FADS3: variants seen among roughly 807,000 people sequenced by gnomAD.
FADS3 encodes fatty acid desaturase 3.
Under a neutral mutation model 60.4 loss-of-function variants are expected in FADS3, and 30 were observed. The ratio of observed to expected loss-of-function variants is 0.50; its 90% confidence interval spans 0.37 to 0.67. The LOEUF (loss-of-function observed/expected upper bound fraction) is 0.67. FADS3 is among the 30% of genes least tolerant of loss of function. FADS3 has a pLI of 0.00. For missense variants in FADS3, 432 were observed against 598.3 expected, an observed-to-expected ratio of 0.72 and a Z score of 2.90; for synonymous variants, 234 against 249.3, an observed-to-expected ratio of 0.94 and a Z score of 0.58.
At chr11:61,889,508 G>A (rs1255174499) in intron 1 of FADS3, among the ~76,000 whole-genome samples, 4 of 152,128 alleles carry the variant, frequency 2.6e-5, no homozygotes, top group African/African-American at 4.8e-5. Context: ...TATGCTGGGC[G>A]TGGTGGCGCG....
chr11:61,881,845 G>C (rs1938141979), intron 1 of FADS3: 1 of 152,274 alleles, frequency 6.6e-6, no homozygotes, highest in South Asian at 2.1e-4. Flanking sequence ...CTGGTAGGGT[G>C]CCCCTTCTGG....
Position 61,880,074 on chromosome 11 carries a change from A to G in FADS3, c.291T>C (p.Ala97=), listed in dbSNP as rs1185381450. 4 of 1,613,976 alleles carry G rather than the reference A, an allele frequency of 2.5e-6. No individual in the cohort carries two copies. The highest frequency in any genetic ancestry group is 3.4e-6 in the Non-Finnish European group (4 of 1,179,980). The part of the protein sequence containing the change: ...FLQPLLIGEL[A]PEEPSQDGPL... Reference sequence around the variant, plus strand: ...GTCCATCCTGGCTGGGTTCTTCCGGAGCCAGCTCTCCAATCAACAGGGGCT... The same window carrying G: ...GTCCATCCTGGCTGGGTTCTTCCGGGGCCAGCTCTCCAATCAACAGGGGCT... The change falls in exon 2 of 12, where the codon GCT becomes GCC. Residue 97 remains alanine (A), a synonymous_variant. Coordinates refer to ENST00000278829, the MANE Select transcript of FADS3 (RefSeq NM_021727.5).
chr11:61,881,543 T>A (rs1186519699), intron 1 of FADS3: 1 of 152,214 alleles, frequency 6.6e-6, no homozygotes, highest in Non-Finnish European at 1.5e-5. Context: ...GTTGTCCCCA[T>A]GGGTCTGGAG....
chr11:61,879,884 G>A (rs934896882), intron 2 of FADS3, among the ~76,000 whole-genome samples, 157 bp downstream of exon 2: 1 of 152,210 alleles, frequency 6.6e-6, no homozygotes, highest in Non-Finnish European at 1.5e-5. Context: ...ACTTTCAACT[G>A]CCTGCCCCCT....
Position 61,878,501 on chromosome 11 carries a change from T to G in FADS3, c.747+11A>C, listed in dbSNP as rs201469463. 71 of 1,612,646 alleles carry G rather than the reference T, an allele frequency of 4.4e-5. No individual in the cohort carries two copies. In the African/African-American group the frequency reaches 8.9e-4, roughly 20 times the overall value. On this transcript the variant is annotated intron_variant, in intron 5 of 11. Coordinates refer to ENST00000278829, the MANE Select transcript of FADS3 (RefSeq NM_021727.5). ...CCCAGCCAGAGGTTGTCCACGTCCC[T>G]CCCCACCCACCTCGACGGATGACTC... is the stretch of plus-strand genomic sequence containing the variant.
intron 1 of FADS3, among the ~76,000 whole-genome samples, chr11:61,889,799 C>T (rs1300010945): frequency 6.6e-6 from 1 of 152,194 alleles, no homozygotes; most frequent in Non-Finnish European, 1.5e-5. Flanking sequence ...ACTTTGAGAC[C>T]AGCCCGAGCA....
In FADS3 at chr11:61,876,277, G is replaced by C; in HGVS notation, c.1080+82C>G. Reference sequence around the variant, plus strand: ...CATCCCCCACCTGGCAGCCCCGTCAGGGCCTCATCCCTGCTTTGCCATCTG... The same window carrying C: ...CATCCCCCACCTGGCAGCCCCGTCACGGCCTCATCCCTGCTTTGCCATCTG... On this transcript the variant is annotated intron_variant, in intron 9 of 11. Coordinates refer to ENST00000278829, the MANE Select transcript of FADS3 (RefSeq NM_021727.5). The surrounding 1 kb of genome is among the most constrained non-coding windows in gnomAD (Gnocchi z 5.7). The C allele has an allele frequency of 1.3e-6, 2 of 1,584,192 alleles. No homozygotes were observed. The highest frequency in any genetic ancestry group is 1.7e-6 in the Non-Finnish European group (2 of 1,162,098).
chr11:61,880,032 C>G lies in FADS3; in HGVS notation c.324+9G>C. 6.2e-7 allele frequency: 1 copy of G among 1,606,138 alleles called. No individual in the cohort carries two copies. Among genetic ancestry groups the G allele is most frequent in the Non-Finnish European group, 8.5e-7 (1 of 1,172,978 alleles). The stretch of plus-strand genomic sequence containing the variant: ...CAGGGGCTGAGCCTCTCCTAGGGCT[C>G]TGGCTCACATTCAGGGGTCCATCCT... On this transcript the variant is annotated intron_variant, in intron 2 of 11. Coordinates refer to ENST00000278829, the MANE Select transcript of FADS3 (RefSeq NM_021727.5).
Position 61,879,318 on chromosome 11 carries a change from G to A in FADS3, c.516C>T (p.Ile172=). The A allele has an allele frequency of 6.4e-7, 1 of 1,552,700 alleles. No homozygotes were observed. The highest frequency in any genetic ancestry group is 2.0e-5 in the Admixed American group (1 of 51,068). The change falls in exon 3 of 12, where the codon ATC becomes ATT. Residue 172 remains isoleucine, a synonymous_variant. Transcript: ENST00000278829. ...AACACAGAACTGGGGTCACCTGAGAGATGGCCAGGATGAAGGCGGCCAGGG... is the reference window on the plus strand; with the variant it reads ...AACACAGAACTGGGGTCACCTGAGAAATGGCCAGGATGAAGGCGGCCAGGG... The part of the protein sequence containing the change: ...PSALAAFILA[I]SQAQSWCLQH...
At chr11:61,891,049 G>C in intron 1 of FADS3, 120 bp downstream of exon 1, 3 of 905,322 alleles carry the variant, frequency 3.3e-6, no homozygotes, top group Non-Finnish European at 5.1e-6. Flanking sequence ...CGGCGTGGAG[G>C]TCAAAGGTCA....
In FADS3 at chr11:61,876,707, T is replaced by TG. The variant is rs1222458493; in HGVS notation, c.983+158dup. ...CCACGCTCCCTAAACCCACCGACCC[T>TG]GGGCTCCTGCCACGCTTGTGTTTAT... is the stretch of plus-strand genomic sequence containing the variant. On this transcript the variant is annotated intron_variant, in intron 8 of 11. Coordinates refer to ENST00000278829, the MANE Select transcript of FADS3 (RefSeq NM_021727.5). The surrounding 1 kb of genome is among the most constrained non-coding windows in gnomAD (Gnocchi z 5.7). 8.1e-6 allele frequency: 6 copies of TG among 739,186 alleles called. No homozygotes were observed. Among genetic ancestry groups the TG allele is most frequent in the Non-Finnish European group, 1.4e-5 (6 of 427,326 alleles). 45.8% of individuals were successfully genotyped at this position (739,186 alleles called of 1,614,324 possible).
At chr11:61,890,151 CAGG>C (rs772658768) in intron 1 of FADS3, 1 of 148,192 alleles carries the variant, frequency 6.7e-6, no homozygotes, top group Non-Finnish European at 1.5e-5. Flanking sequence ...TTTAGAATTT[CAGG>C]AGGATTCTTA....
chr11:61,887,544 G>A (rs192567306), intron 1 of FADS3, among the ~76,000 whole-genome samples: 60 of 152,220 alleles, frequency 3.9e-4, no homozygotes, highest in African/African-American at 1.3e-3. Context: ...GAGCCAGCCC[G>A]GCCGCCTCTA....
In FADS3 at chr11:61,876,514, G is replaced by A. The variant is rs1937893351; in HGVS notation, c.984-59C>T. ...GCTCACCACTTAGGCACCCTGAGTG[G>A]AGGCTGGAGAGCAGCTGTCCCCAAG... On this transcript the variant is annotated intron_variant, in intron 8 of 11. Transcript: ENST00000278829. This position sits in a 1 kb window ranked among gnomAD's most constrained non-coding sequence, Gnocchi z 5.7. 7 of 1,379,382 alleles carry A rather than the reference G, an allele frequency of 5.1e-6. No homozygotes were observed. Among genetic ancestry groups the A allele is most frequent in the Admixed American group, 1.7e-5 (1 of 59,552 alleles). 85.4% of individuals were successfully genotyped at this position (1,379,382 alleles called of 1,614,324 possible).
At chr11:61,882,096 GTGTT>G (rs1938153129) in intron 1 of FADS3, 2 of 129,474 alleles carry the variant, frequency 1.5e-5, no homozygotes, top group Non-Finnish European at 3.3e-5. Context: ...ACCCCACTGG[GTGTT>G]TTTTTTTTTT....
In FADS3 at chr11:61,877,356, C is replaced by CACATGTGAGCCACACTGTTGCACGCAT. The variant is rs533215665; in HGVS notation, c.885+128_885+154dup. 420 of 625,946 alleles carry CACATGTGAGCCACACTGTTGCACGCAT rather than the reference C, an allele frequency of 6.7e-4. 4 individuals are homozygous for CACATGTGAGCCACACTGTTGCACGCAT. The South Asian group carries it at 6.8e-3, about 10-fold the overall frequency. 38.8% of individuals were successfully genotyped at this position (625,946 alleles called of 1,614,324 possible). ...CACACTCGCTCTCCTGCTGCGCGCA[C>CACATGTGAGCCACACTGTTGCACGCAT]ACATGTGAGCCACACTGTTGCACGC... On this transcript the variant is annotated intron_variant, in intron 7 of 11. Transcript: ENST00000278829. This position sits in a 1 kb window ranked among gnomAD's most constrained non-coding sequence, Gnocchi z 4.7.
Position 61,891,444 on chromosome 11 carries a change from A to G in FADS3, c.-63T>C. The G allele has an allele frequency of 8.3e-7, 1 of 1,206,386 alleles. No homozygotes were observed. Among genetic ancestry groups the G allele is most frequent in the Non-Finnish European group, 1.1e-6 (1 of 943,350 alleles). 74.7% of individuals were successfully genotyped at this position (1,206,386 alleles called of 1,614,324 possible). A position where few individuals can be genotyped will look rare whatever the true frequency, so the allele number is the denominator to read the frequency against. ...CGAGGTCCGAGCAAGACCCCGAGGG[A>G]AGCGAAGAGCGCTCCCGGGCGCCGC... On this transcript the variant is annotated 5_prime_UTR_variant, in exon 1 of 12. Transcript: ENST00000278829.
At chr11:61,878,256 GC>G in intron 5 of FADS3, 41 bp from the exon 6 acceptor site, 1 of 1,595,906 alleles carries the variant, frequency 6.3e-7, no homozygotes, top group Non-Finnish European at 8.6e-7. Context: ...AGCTCTCCAG[GC>G]CACCTCCTTC....
chr11:61,877,898 G>A lies in FADS3; in HGVS notation c.808+257C>T, dbSNP rs558597224. On this transcript the variant is annotated intron_variant, in intron 6 of 11. Coordinates refer to ENST00000278829, the MANE Select transcript of FADS3 (RefSeq NM_021727.5). The surrounding 1 kb of genome is among the most constrained non-coding windows in gnomAD (Gnocchi z 4.7). ...TAGTGAGGGCAAGAAGAAATTCTAC[G>A]TGGGGCTTGGGGAAGCTCCCAGCAG... 72 of 594,272 alleles carry A rather than the reference G, an allele frequency of 1.2e-4. No homozygotes were observed. Among genetic ancestry groups the A allele is most frequent in the African/African-American group, 4.5e-4 (24 of 53,858 alleles). 36.8% of individuals were successfully genotyped at this position (594,272 alleles called of 1,614,324 possible).
Sources: allele counts gnomAD v4.1 joint callset (sites outside exome capture counted in the v4.1 genomes callset), GRCh38; gene constraint gnomAD v4.1.1; non-coding constraint Gnocchi (gnomAD v3.1); transcripts MANE v1.5; gene names NCBI Gene and HGNC (gene_info 2026-07-23, HGNC 2026-07-21).